Variants in PPP2R2B observed in about 807,000 individuals in gnomAD.
PPP2R2B encodes serine/threonine-protein phosphatase 2A 55 kDa regulatory subunit B beta isoform.
A neutral mutation model predicts 46.0 loss-of-function variants in PPP2R2B; 5 were observed. The observed-to-expected ratio is 0.11, with a 90% confidence interval of 0.06 to 0.23. The LOEUF (loss-of-function observed/expected upper bound fraction) is 0.23. PPP2R2B is among the 10% of genes least tolerant of loss of function. The probability of loss-of-function intolerance (pLI) is 1.00; values close to 1 mark genes in which losing one functional copy is unlikely to be tolerated. For synonymous variants in PPP2R2B, 215 were observed against 206.7 expected (o/e 1.04, Z -0.34); for missense variants, 367 against 575.0 (o/e 0.64, Z 3.70).
intron 2 of PPP2R2B, among the ~76,000 whole-genome samples, chr5:146,708,205 A>T: frequency 6.6e-6 from 1 of 152,026 alleles, no homozygotes; most frequent in Non-Finnish European, 1.5e-5. Flanking sequence ...AAAATAAAAA[A>T]AATTAGCTCG....
chr5:146,638,537 A>T, intron 6 of PPP2R2B, 122 bp from the exon 7 acceptor site: 2 of 909,846 alleles, frequency 2.2e-6, no homozygotes, highest in Non-Finnish European at 3.2e-6. Context: ...TGCACATGGT[A>T]GATCCTCATC....
intron 8 of PPP2R2B, among the ~76,000 whole-genome samples, chr5:146,599,130 G>C (rs1771526624): frequency 6.6e-6 from 1 of 152,090 alleles, no homozygotes; most frequent in Non-Finnish European, 1.5e-5. Context: ...CCTGGATTTT[G>C]CTTCTTTAAG....
chr5:146,974,883 G>T (rs1437393930), intron 1 of PPP2R2B, among the ~76,000 whole-genome samples: 1 of 151,908 alleles, frequency 6.6e-6, no homozygotes, highest in East Asian at 1.9e-4. Flanking sequence ...TAGACACGGG[G>T]TTTCACCATG....
intron 1 of PPP2R2B, among the ~76,000 whole-genome samples, chr5:147,029,914 C>A (rs1287437586): frequency 6.6e-6 from 1 of 151,734 alleles, no homozygotes; most frequent in Non-Finnish European, 1.5e-5. Flanking sequence ...TCTGTTATGG[C>A]AGCCCCAGCT....
chr5:146,878,340 T>C lies in PPP2R2B; in HGVS notation c.-124-145A>G, dbSNP rs1042541687. ...CAGCTCCAGTTCCCAGCGAGGATGC[T>C]GCGCCTGCCTCCGCTGCCTCCGGGT... On this transcript the variant is annotated intron_variant, in intron 1 of 9. Coordinates refer to ENST00000394411, the MANE Select transcript of PPP2R2B (RefSeq NM_181675.4). This position sits in a 1 kb window ranked among gnomAD's most constrained non-coding sequence, Gnocchi z 4.5. The C allele has an allele frequency of 3.5e-6, 5 of 1,437,266 alleles. No homozygotes were observed. The highest frequency in any genetic ancestry group is 4.5e-6 in the Non-Finnish European group (5 of 1,102,408). The allele number at this position is 1,437,266 out of a possible 1,614,324, so 89.0% of individuals were successfully genotyped here.
intron 2 of PPP2R2B, among the ~76,000 whole-genome samples, chr5:146,836,661 G>A (rs1759301224): frequency 6.6e-6 from 1 of 152,204 alleles, no homozygotes; most frequent in African/African-American, 2.4e-5. Context: ...TTTTCAAAAT[G>A]CAAACATTTG....
chr5:146,940,550 A>T (rs1289941610), intron 1 of PPP2R2B, among the ~76,000 whole-genome samples: 1 of 151,680 alleles, frequency 6.6e-6, no homozygotes, highest in Non-Finnish European at 1.5e-5. Flanking sequence ...CAAGGAGAAC[A>T]TATCTAAAAA....
intron 1 of PPP2R2B, among the ~76,000 whole-genome samples, chr5:146,909,538 T>C (rs536124831): frequency 6.6e-6 from 1 of 152,330 alleles, no homozygotes; most frequent in South Asian, 2.1e-4. Flanking sequence ...TAACCTGGCA[T>C]GAAATATTTT....
chr5:146,615,614 A>G (rs1377085197), intron 7 of PPP2R2B, among the ~76,000 whole-genome samples: 2 of 151,922 alleles, frequency 1.3e-5, no homozygotes, highest in Non-Finnish European at 2.9e-5. Context: ...TCTCAACAGC[A>G]AATAATCTCA....
chr5:147,011,836 C>T (rs1754749189), intron 1 of PPP2R2B, among the ~76,000 whole-genome samples: 1 of 130,702 alleles, frequency 7.7e-6, no homozygotes, highest in Non-Finnish European at 1.7e-5. Flanking sequence ...TTGAGATAAT[C>T]ATGTGGTTTT....
chr5:146,629,935 T>C (rs1304098658), intron 7 of PPP2R2B, among the ~76,000 whole-genome samples: 1 of 152,086 alleles, frequency 6.6e-6, no homozygotes, highest in Non-Finnish European at 1.5e-5. Flanking sequence ...TACCTCAGCC[T>C]CCTGAGTAGC....
At chr5:147,054,131 T>C (rs1756959498) in intron 1 of PPP2R2B, among the ~76,000 whole-genome samples, 1 of 152,214 alleles carries the variant, frequency 6.6e-6, no homozygotes, top group African/African-American at 2.4e-5. Flanking sequence ...ACTTTAAAAG[T>C]TCTTGTTGTA....
chr5:146,855,846 A>G (rs1292959914), intron 2 of PPP2R2B, among the ~76,000 whole-genome samples: 1 of 152,222 alleles, frequency 6.6e-6, no homozygotes. Context: ...ATGAATAAAA[A>G]AGCCTAGCAG....
intron 2 of PPP2R2B, among the ~76,000 whole-genome samples, chr5:147,068,994 AT>A (rs1310447034): frequency 6.6e-6 from 1 of 152,224 alleles, no homozygotes; most frequent in Non-Finnish European, 1.5e-5. Context: ...AGCTAATACA[AT>A]TATGGAAATA....
chr5:146,988,861 T>G (rs148397318), intron 1 of PPP2R2B, among the ~76,000 whole-genome samples: 1 of 151,908 alleles, frequency 6.6e-6, no homozygotes, highest in African/African-American at 2.4e-5. Flanking sequence ...GAATAATCCT[T>G]TAGTTAGGCT....
chr5:146,680,559 A>G (rs1444635431), intron 5 of PPP2R2B, among the ~76,000 whole-genome samples: 1 of 151,280 alleles, frequency 6.6e-6, no homozygotes, highest in Non-Finnish European at 1.5e-5. Context: ...AATAATAAAA[A>G]AAACCACAGC....
At chr5:147,020,609 T>G (rs1388009820) in intron 1 of PPP2R2B, among the ~76,000 whole-genome samples, 1 of 152,118 alleles carries the variant, frequency 6.6e-6, no homozygotes, top group Admixed American at 6.6e-5. Flanking sequence ...AAATCAACAG[T>G]GCTTGAAAAG....
chr5:147,062,174 G>A (rs544918344), intron 2 of PPP2R2B, among the ~76,000 whole-genome samples: 5 of 152,134 alleles, frequency 3.3e-5, no homozygotes, highest in Non-Finnish European at 5.9e-5. Context: ...TGTTACAACT[G>A]CCCAGAGTAC....
chr5:146,968,901 G>A (rs763830565), intron 1 of PPP2R2B, among the ~76,000 whole-genome samples: 12 of 152,142 alleles, frequency 7.9e-5, no homozygotes, highest in Non-Finnish European at 1.6e-4. Context: ...TGAGTCTTAA[G>A]CTTTTATTAT....
Sources: gnomAD v4.1 joint callset for allele counts (sites outside exome capture counted in the v4.1 genomes callset) on GRCh38, gnomAD v4.1.1 for gene constraint, Gnocchi (gnomAD v3.1) non-coding constraint, MANE v1.5 for transcripts, NCBI Gene and HGNC (gene_info 2026-07-23, HGNC 2026-07-21) for gene names.